The following GRM5 variants were observed in gnomAD, a reference collection of about 807,000 sequenced individuals.
The protein encoded by GRM5 is glutamate metabotropic receptor 5.
In GRM5, 19 loss-of-function variants were observed where a neutral mutation model predicts 83.1. That is an observed-to-expected ratio of 0.23 (90% confidence interval 0.16 to 0.34). The LOEUF (loss-of-function observed/expected upper bound fraction) is 0.34. GRM5 is among the 10% of genes least tolerant of loss of function. The probability of loss-of-function intolerance (pLI) is 1.00; values close to 1 mark genes in which losing one functional copy is unlikely to be tolerated. For missense variants in GRM5, 1,160 were observed against 1,588.3 expected (o/e 0.73, Z 4.58); for synonymous variants, 675 against 633.6 (o/e 1.07, Z -0.98).
chr11:88,880,038 AT>A (rs1209713675), intron 2 of GRM5, among the ~76,000 whole-genome samples: 11 of 152,092 alleles, frequency 7.2e-5, no homozygotes. Context: ...AATGCTTGAG[AT>A]TTCAATATGA....
chr11:88,554,799 T>A (rs1258368847), intron 8 of GRM5, among the ~76,000 whole-genome samples: 3 of 152,134 alleles, frequency 2.0e-5, no homozygotes, highest in Admixed American at 1.3e-4. Flanking sequence ...TTTCACATAA[T>A]CTCTGAGACT....
intron 3 of GRM5, among the ~76,000 whole-genome samples, chr11:88,725,355 G>C (rs1369743565): frequency 2.0e-5 from 3 of 152,142 alleles, no homozygotes; most frequent in Admixed American, 1.3e-4. Context: ...ACTGGTCAGG[G>C]CATCTCTGAA....
intron 2 of GRM5, among the ~76,000 whole-genome samples, chr11:89,018,772 G>A (rs969050033): frequency 2.0e-5 from 3 of 151,988 alleles, no homozygotes; most frequent in Non-Finnish European, 2.9e-5. Context: ...AATTTTGAAG[G>A]ATAAATAAGA....
intron 2 of GRM5, among the ~76,000 whole-genome samples, chr11:88,974,344 C>T (rs1365096340): frequency 6.6e-6 from 1 of 151,158 alleles, no homozygotes; most frequent in Non-Finnish European, 1.5e-5. Flanking sequence ...GTTGAGTTGG[C>T]TAACAAACAG....
intron 4 of GRM5, among the ~76,000 whole-genome samples, chr11:88,632,874 T>C (rs770432069): frequency 2.6e-5 from 4 of 152,212 alleles, no homozygotes; most frequent in Non-Finnish European, 4.4e-5. Context: ...ATTTTATCCA[T>C]ACTAATAAGT....
chr11:88,773,595 T>G (rs1942785392), intron 3 of GRM5, among the ~76,000 whole-genome samples: 1 of 152,242 alleles, frequency 6.6e-6, no homozygotes, highest in Admixed American at 6.5e-5. Context: ...GTCTAACATT[T>G]ATGTCTTTAA....
chr11:88,600,953 G>T (rs2135225560), intron 5 of GRM5, among the ~76,000 whole-genome samples: 1 of 152,226 alleles, frequency 6.6e-6, no homozygotes, highest in East Asian at 1.9e-4. Flanking sequence ...TTTGGGGTTG[G>T]ACAATCACAG....
chr11:88,584,205 TACACACACACACAC>T (rs10526384), intron 7 of GRM5, among the ~76,000 whole-genome samples: 27 of 144,308 alleles, frequency 1.9e-4, no homozygotes, highest in African/African-American at 6.1e-4. Context: ...TGTTTCAAAT[TACACACACACACAC>T]ACACACACAC....
intron 3 of GRM5, among the ~76,000 whole-genome samples, chr11:88,736,448 T>C (rs958912319): frequency 6.6e-6 from 1 of 152,034 alleles, no homozygotes. Flanking sequence ...GTGTATATCT[T>C]AGTCAACTCA....
At chr11:88,830,792 A>C (rs1178946727) in intron 3 of GRM5, among the ~76,000 whole-genome samples, 1 of 152,178 alleles carries the variant, frequency 6.6e-6, no homozygotes, top group African/African-American at 2.4e-5. Context: ...TGGGCAATTT[A>C]CAAAAGGAAG....
At chr11:88,941,015 T>C (rs1025141448) in intron 2 of GRM5, among the ~76,000 whole-genome samples, 4 of 151,850 alleles carry the variant, frequency 2.6e-5, no homozygotes, top group African/African-American at 9.7e-5. Context: ...CAAAGCACAA[T>C]GAAACAACCA....
intron 2 of GRM5, among the ~76,000 whole-genome samples, chr11:88,923,991 G>T (rs1313248604): frequency 6.6e-6 from 1 of 151,140 alleles, no homozygotes; most frequent in Non-Finnish European, 1.5e-5. Context: ...ATGGGCAAAA[G>T]GTCTGAATAG....
chr11:88,929,438 T>C (rs1937636546), intron 2 of GRM5, among the ~76,000 whole-genome samples: 1 of 152,122 alleles, frequency 6.6e-6, no homozygotes, highest in South Asian at 2.1e-4. Flanking sequence ...AATTTAGTTT[T>C]TCATATTTAA....
chr11:88,560,055 CCATAGA>C (rs1233185884), intron 8 of GRM5, among the ~76,000 whole-genome samples: 1 of 151,926 alleles, frequency 6.6e-6, no homozygotes, highest in Non-Finnish European at 1.5e-5. Flanking sequence ...TCTCTAGAGG[CCATAGA>C]GCAAGGAAAT....
At chr11:88,828,284 A>T (rs955449562) in intron 3 of GRM5, among the ~76,000 whole-genome samples, 1 of 152,200 alleles carries the variant, frequency 6.6e-6, no homozygotes, top group African/African-American at 2.4e-5. Context: ...AGGAGAAAAA[A>T]GATAAACTCG....
intron 4 of GRM5, among the ~76,000 whole-genome samples, chr11:88,630,611 T>A (rs1279996100): frequency 2.0e-5 from 3 of 150,526 alleles, no homozygotes; most frequent in Non-Finnish European, 4.4e-5. Flanking sequence ...GGAGTTTCAT[T>A]CTTGTTGCCC....
chr11:88,717,922 T>C lies in GRM5; in HGVS notation c.912-64519A>G, dbSNP rs1048457405. ...ATAATTAAAATAGAATCTATTAATG[T>C]AGTAGGATTATAAGGAAATACATCA... On this transcript the variant is annotated intron_variant, in intron 3 of 9. Transcript: ENST00000305447. 3.3e-5 allele frequency among the ~76,000 whole-genome samples: 5 copies of C among 151,956 alleles called. No homozygotes were observed. In the East Asian group the frequency reaches 9.7e-4, roughly 29 times the overall value.
At chr11:88,830,956 G>A (rs1171841598) in intron 3 of GRM5, among the ~76,000 whole-genome samples, 1 of 152,054 alleles carries the variant, frequency 6.6e-6, no homozygotes, top group East Asian at 1.9e-4. Flanking sequence ...CAGATCTCAT[G>A]AGACTTAGCA....
chr11:88,711,880 C>G (rs2135384928), intron 3 of GRM5, among the ~76,000 whole-genome samples: 1 of 152,062 alleles, frequency 6.6e-6, no homozygotes, highest in Non-Finnish European at 1.5e-5. Flanking sequence ...GAAAGAGATT[C>G]CACTTCAAAA....
Sources: gnomAD v4.1 joint callset for allele counts (sites outside exome capture counted in the v4.1 genomes callset) on GRCh38, gnomAD v4.1.1 for gene constraint, MANE v1.5 for transcripts, NCBI Gene and HGNC (gene_info 2026-07-23, HGNC 2026-07-21) for gene names.